SPMIP2: variants seen among roughly 807,000 people sequenced by gnomAD.
The protein encoded by SPMIP2 is sperm microtubule inner protein 2.
chr4:158,913,029 T>C, the SPMIP2 span, among the ~76,000 whole-genome samples: 1 of 152,160 alleles, frequency 6.6e-6, no homozygotes, highest in East Asian at 1.9e-4. Flanking sequence ...GACAAGCCCA[T>C]ACTGAAAGAT....
chr4:158,940,555 C>T, the SPMIP2 span, among the ~76,000 whole-genome samples: 299 of 76,716 alleles, frequency 3.9e-3, 2 homozygotes, highest in Non-Finnish European at 6.9e-3. Context: ...TTCTGTTGTT[C>T]CTTCTTTTTT....
chr4:158,934,573 A>G, the SPMIP2 span, among the ~76,000 whole-genome samples: 2 of 152,220 alleles, frequency 1.3e-5, no homozygotes, highest in African/African-American at 4.8e-5. Context: ...GTAAAAATTT[A>G]TACGTGTTAG....
chr4:159,065,230 G>A, the SPMIP2 span, among the ~76,000 whole-genome samples: 1 of 152,142 alleles, frequency 6.6e-6, no homozygotes, highest in African/African-American at 2.4e-5. Context: ...GAGACCAAAT[G>A]GCAGCACCTA....
the SPMIP2 span, among the ~76,000 whole-genome samples, chr4:158,929,224 C>A: frequency 4.6e-5 from 7 of 152,304 alleles, no homozygotes; most frequent in Admixed American, 4.6e-4. Flanking sequence ...TGCTCTATTG[C>A]CCAGGCTGGT....
the SPMIP2 span, among the ~76,000 whole-genome samples, chr4:159,001,783 T>C: frequency 6.6e-6 from 1 of 152,244 alleles, no homozygotes; most frequent in African/African-American, 2.4e-5. Context: ...TCTTTGCTAT[T>C]GTGAGTAGTG....
At chr4:158,947,805 G>T in the SPMIP2 span, among the ~76,000 whole-genome samples, 1 of 151,986 alleles carries the variant, frequency 6.6e-6, no homozygotes, top group East Asian at 1.9e-4. Flanking sequence ...TATCCAGAAA[G>T]AGGTCAAACA....
At chr4:158,977,597 GTTCTTT>G in the SPMIP2 span, among the ~76,000 whole-genome samples, 2 of 74,602 alleles carry the variant, frequency 2.7e-5, no homozygotes, top group Admixed American at 1.5e-4. Flanking sequence ...ATCTCCTTCA[GTTCTTT>G]TTTTTTTTTT....
the SPMIP2 span, among the ~76,000 whole-genome samples, chr4:159,048,249 T>C: frequency 1.3e-5 from 2 of 152,162 alleles, no homozygotes; most frequent in Admixed American, 1.3e-4. Context: ...GTAGGAGAGC[T>C]TTCCCGAGCC....
At chr4:158,941,321 A>G in the SPMIP2 span, among the ~76,000 whole-genome samples, 13 of 152,304 alleles carry the variant, frequency 8.5e-5, no homozygotes, top group African/African-American at 2.9e-4. Context: ...ATATACCCAC[A>G]ACAGAATCTG....
the SPMIP2 span, among the ~76,000 whole-genome samples, chr4:159,074,315 G>A: frequency 6.6e-6 from 1 of 152,098 alleles, no homozygotes; most frequent in Non-Finnish European, 1.5e-5. Flanking sequence ...GTAGAAGAGA[G>A]CTGCAGGAAC....
At chr4:158,907,485 T>C in the SPMIP2 span, 2 of 152,220 alleles carry the variant, frequency 1.3e-5, no homozygotes, top group South Asian at 2.1e-4. Context: ...TTTGGGCTCT[T>C]ATAATTAGGT....
chr4:158,969,694 G>A, the SPMIP2 span, among the ~76,000 whole-genome samples: 1 of 152,178 alleles, frequency 6.6e-6, no homozygotes, highest in South Asian at 2.1e-4. Flanking sequence ...CAGGTAGGAG[G>A]CAGCTGCTCC....
At chr4:158,949,845 A>G in the SPMIP2 span, among the ~76,000 whole-genome samples, 1 of 152,258 alleles carries the variant, frequency 6.6e-6, no homozygotes, top group Non-Finnish European at 1.5e-5. Flanking sequence ...TCAGTTATAT[A>G]TGATCTTGCT....
At chr4:158,916,736 C>G in the SPMIP2 span, among the ~76,000 whole-genome samples, 1 of 152,152 alleles carries the variant, frequency 6.6e-6, no homozygotes, top group East Asian at 1.9e-4. Flanking sequence ...CACCACCTCC[C>G]AGGTTCAATC....
chr4:158,953,258 G>A, the SPMIP2 span, among the ~76,000 whole-genome samples: 1 of 152,198 alleles, frequency 6.6e-6, no homozygotes, highest in Non-Finnish European at 1.5e-5. Flanking sequence ...GTGCAGCCTA[G>A]GGACTTGATG....
the SPMIP2 span, among the ~76,000 whole-genome samples, chr4:159,012,660 C>T: frequency 1.3e-5 from 2 of 152,066 alleles, no homozygotes; most frequent in Non-Finnish European, 2.9e-5. Flanking sequence ...CAGCCTCAAT[C>T]TCGTGGGCTC....
the SPMIP2 span, among the ~76,000 whole-genome samples, chr4:159,036,355 G>A: frequency 7.9e-5 from 12 of 152,184 alleles, no homozygotes; most frequent in African/African-American, 2.9e-4. Context: ...CAGCACCTTC[G>A]GGGTCTGCCT....
chr4:159,052,618 ATTATTATTATTATT>A, the SPMIP2 span, among the ~76,000 whole-genome samples: 3 of 150,636 alleles, frequency 2.0e-5, no homozygotes, highest in African/African-American at 7.3e-5. Flanking sequence ...GACTATTATT[ATTATTATTATTATT>A]TTATTATTAT....
chr4:158,971,909 A>G, the SPMIP2 span, among the ~76,000 whole-genome samples: 1 of 152,190 alleles, frequency 6.6e-6, no homozygotes. Flanking sequence ...GATCCTGTGA[A>G]GTGGGCCTCT....
Sources: allele counts gnomAD v4.1 joint callset (sites outside exome capture counted in the v4.1 genomes callset), GRCh38; gene constraint gnomAD v4.1.1; transcripts MANE v1.5; gene names NCBI Gene and HGNC (gene_info 2026-07-23, HGNC 2026-07-21).